TTC6: variants seen among roughly 807,000 people sequenced by gnomAD.
The protein encoded by TTC6 is tetratricopeptide repeat domain 6.
Under a neutral mutation model 210.4 loss-of-function variants are expected in TTC6, and 172 were observed. The ratio of observed to expected loss-of-function variants is 0.82; its 90% CI spans 0.72 to 0.93. The LOEUF is 0.93. Ranked by LOEUF, TTC6 falls within the 40% of genes least tolerant of loss-of-function variation. The pLI is 0.00. For missense variants in TTC6, 2,414 were observed against 2,318.1 expected (o/e 1.04, Z -0.85); for synonymous variants, 804 against 819.6 (o/e 0.98, Z 0.32).
In TTC6 at chr14:37,753,254, G is replaced by A; in HGVS notation, c.3266+19G>A. On this transcript the variant is annotated intron_variant, in intron 14 of 30. Transcript: ENST00000553443. Reference sequence around the variant, plus strand: ...AAGCAAGGTAAGAATGATTTTAGATGTCGTTTTAAAATTATTACTATTATT... The same window carrying A: ...AAGCAAGGTAAGAATGATTTTAGATATCGTTTTAAAATTATTACTATTATT... 1 of 1,505,010 alleles carries A rather than the reference G, an allele frequency of 6.6e-7. No individual in the cohort carries two copies. Among genetic ancestry groups the A allele is most frequent in the Non-Finnish European group, 8.9e-7 (1 of 1,128,264 alleles). The allele number at this position is 1,505,010 out of a possible 1,614,324, so 93.2% of individuals were successfully genotyped here. A position where few individuals can be genotyped will look rare whatever the true frequency, so the allele number is the denominator to read the frequency against.
At chr14:37,702,256 G>A (rs2095826857) in intron 5 of TTC6, among the ~76,000 whole-genome samples, 1 of 152,160 alleles carries the variant, frequency 6.6e-6, no homozygotes, top group South Asian at 2.1e-4. Context: ...TCTCTTGATA[G>A]TGATAGAATC....
intron 2 of TTC6, among the ~76,000 whole-genome samples, chr14:37,607,982 A>G (rs1039416084): frequency 1.3e-5 from 2 of 152,222 alleles, no homozygotes; most frequent in African/African-American, 4.8e-5. Context: ...AAAATTGCAT[A>G]ACATTGTTTT....
At chr14:37,608,652 A>T (rs998323009) in intron 2 of TTC6, among the ~76,000 whole-genome samples, 5 of 152,116 alleles carry the variant, frequency 3.3e-5, no homozygotes, top group Non-Finnish European at 7.4e-5. Flanking sequence ...ATTGGAACTT[A>T]TTTTGTGCGC....
chr14:37,819,264 T>G (rs2096149891), intron 26 of TTC6, among the ~76,000 whole-genome samples: 1 of 152,168 alleles, frequency 6.6e-6, no homozygotes, highest in Admixed American at 6.5e-5. Context: ...TCAGGAAAAA[T>G]ATTTTTTGCT....
chr14:37,689,985 AAAT>A (rs1474428329), intron 3 of TTC6, among the ~76,000 whole-genome samples: 2 of 152,208 alleles, frequency 1.3e-5, no homozygotes, highest in Non-Finnish European at 2.9e-5. Flanking sequence ...AACCAACAAA[AAAT>A]AATAACTATA....
At chr14:37,740,100 C>T (rs2095914445) in intron 10 of TTC6, among the ~76,000 whole-genome samples, 1 of 148,844 alleles carries the variant, frequency 6.7e-6, no homozygotes, top group Admixed American at 6.8e-5. Context: ...GGAGGTGGAG[C>T]TTGCAGTGAG....
chr14:37,838,135 T>C (rs1156862049), intron 29 of TTC6, among the ~76,000 whole-genome samples: 2 of 152,180 alleles, frequency 1.3e-5, no homozygotes, highest in African/African-American at 4.8e-5. Flanking sequence ...CTCTTTAAGG[T>C]AGGTTTTAAA....
At chr14:37,808,144 T>A (rs1373810613) in intron 23 of TTC6, among the ~76,000 whole-genome samples, 1 of 152,198 alleles carries the variant, frequency 6.6e-6, no homozygotes, top group Non-Finnish European at 1.5e-5. Flanking sequence ...TTTATTTCTC[T>A]CTACTTTTCT....
intron 1 of TTC6, among the ~76,000 whole-genome samples, chr14:37,647,642 A>G (rs1185067702): frequency 6.6e-6 from 1 of 152,140 alleles, no homozygotes; most frequent in Non-Finnish European, 1.5e-5. Context: ...GGAGATATCA[A>G]ATATGCAGTC....
intron 14 of TTC6, among the ~76,000 whole-genome samples, chr14:37,785,764 T>C (rs549937849): frequency 4.6e-5 from 7 of 152,308 alleles, no homozygotes; most frequent in African/African-American, 1.7e-4. Flanking sequence ...GTTTTATCTA[T>C]CTTTGGTCTT....
In TTC6 at chr14:37,727,503, T is replaced by C. The variant is rs142587048; in HGVS notation, c.1818+2501T>C. ...AGAGATGGGGTTTCACTGTTTTAGCTAGGATGGTCTTGATCTCCTGACCTT... is the reference window on the plus strand; with the variant it reads ...AGAGATGGGGTTTCACTGTTTTAGCCAGGATGGTCTTGATCTCCTGACCTT... On this transcript the variant is annotated intron_variant, in intron 7 of 30. Transcript: ENST00000553443. 6.3e-3 allele frequency among the ~76,000 whole-genome samples: 922 copies of C among 146,024 alleles called. 7 individuals are homozygous for C. The highest frequency in any genetic ancestry group is 7.2e-3 in the Non-Finnish European group (479 of 66,890).
chr14:37,626,135 A>G (rs531809443), intron 1 of TTC6, among the ~76,000 whole-genome samples: 3 of 152,308 alleles, frequency 2.0e-5, no homozygotes, highest in South Asian at 4.1e-4. Context: ...CTTTTATCCA[A>G]TTGAGAACCA....
chr14:37,771,675 CTGTAT>C (rs1239090930), intron 14 of TTC6, among the ~76,000 whole-genome samples: 3 of 152,268 alleles, frequency 2.0e-5, no homozygotes, highest in Non-Finnish European at 2.9e-5. Context: ...AAGCACTTCT[CTGTAT>C]TGGTTATTCT....
upstream of TTC6, among the ~76,000 whole-genome samples, chr14:37,618,327 A>C (rs2095646021): frequency 6.6e-6 from 1 of 152,182 alleles, no homozygotes; most frequent in Admixed American, 6.5e-5. Context: ...TGACTGCTTC[A>C]CTGCTCAGGC....
chr14:37,773,984 T>G (rs1264477824), intron 14 of TTC6, among the ~76,000 whole-genome samples: 1 of 152,158 alleles, frequency 6.6e-6, no homozygotes, highest in African/African-American at 2.4e-5. Context: ...CCTCCCTAGT[T>G]AGCTGTATTC....
exon 13 of TTC6, chr14:37,751,216 C>A: frequency 6.6e-7 from 1 of 1,519,490 alleles, no homozygotes; most frequent in Non-Finnish European, 8.8e-7. Flanking sequence ...CCATTGATGA[C>A]TTTTCGAAAG....
chr14:37,638,121 A>G (rs1365891981), intron 1 of TTC6, among the ~76,000 whole-genome samples: 2 of 152,224 alleles, frequency 1.3e-5, no homozygotes, highest in African/African-American at 4.8e-5. Flanking sequence ...TAACTTAGGA[A>G]GAAAAGGAAA....
At chr14:37,684,158 A>G (rs1211417824) in intron 3 of TTC6, among the ~76,000 whole-genome samples, 1 of 152,122 alleles carries the variant, frequency 6.6e-6, no homozygotes, top group Non-Finnish European at 1.5e-5. Context: ...CAAGGCTTGG[A>G]GTTTCCCAAA....
chr14:37,645,696 A>G (rs953807775), intron 1 of TTC6, among the ~76,000 whole-genome samples: 2 of 152,162 alleles, frequency 1.3e-5, no homozygotes, highest in African/African-American at 2.4e-5. Flanking sequence ...GCAAGGCTCC[A>G]AGGTAGAAAT....
Sources: allele counts gnomAD v4.1 joint callset (sites outside exome capture counted in the v4.1 genomes callset), GRCh38; gene constraint gnomAD v4.1.1; transcripts MANE v1.5; gene names NCBI Gene and HGNC (gene_info 2026-07-23, HGNC 2026-07-21).